Variants in RNF4 observed in about 807,000 individuals in gnomAD.
The protein encoded by RNF4 is E3 ubiquitin-protein ligase RNF4.
In RNF4, 7 loss-of-function variants were observed where a neutral mutation model predicts 24.3. The ratio of observed to expected loss-of-function variants is 0.29; its 90% confidence interval spans 0.16 to 0.54. RNF4 has a LOEUF of 0.54. Among genes scored for constraint, RNF4 ranks in the 20% least tolerant of loss-of-function variants. The pLI is 0.95. For synonymous variants in RNF4, 83 were observed against 84.3 expected, an observed-to-expected ratio of 0.98 and a Z score of 0.09; for missense variants, 209 against 248.5, an observed-to-expected ratio of 0.84 and a Z score of 1.07.
intron 1 of RNF4, among the ~76,000 whole-genome samples, chr4:2,472,988 C>T (rs917230148): frequency 7.9e-5 from 12 of 151,460 alleles, no homozygotes; most frequent in South Asian, 4.2e-4. Context: ...TGCAGTGAGC[C>T]AAGATAGCAC....
intron 2 of RNF4, among the ~76,000 whole-genome samples, chr4:2,491,512 G>C (rs936867755): frequency 1.6e-4 from 25 of 152,064 alleles, no homozygotes; most frequent in Non-Finnish European, 3.4e-4. Context: ...GTACCATCTC[G>C]GCTTGCTGCA....
intron 2 of RNF4, among the ~76,000 whole-genome samples, chr4:2,492,975 A>T (rs3121161): frequency 0.88 from 134,652 of 152,244 alleles, 59,666 homozygotes; most frequent in South Asian, 0.94. Context: ...TGGTTGTGAT[A>T]GGATGGTCAG....
At chr4:2,490,250 C>T (rs1410182533) in intron 1 of RNF4, 87 bp from the exon 2 acceptor site, 1 of 489,314 alleles carries the variant, frequency 2.0e-6, no homozygotes, top group African/African-American at 1.9e-5. Context: ...AACCTAGGGA[C>T]AGGAAGGACC....
chr4:2,512,477 A>G lies in RNF4; in HGVS notation c.254A>G (p.Gln85Arg). The change falls in exon 6 of 8, where the codon CAG becomes CGG. Residue 85 changes from glutamine (Q) to arginine (R), a missense_variant. By Grantham distance (43) the Gln-to-Arg change is conservative. Around this residue, in one of 3 missense-constraint regions of RNF4, gnomAD observed 182 missense variants for 197.2 expected, o/e 0.92. Coordinates refer to ENST00000314289, the MANE Select transcript of RNF4 (RefSeq NM_002938.5). This position sits in a 1 kb window ranked among gnomAD's most constrained non-coding sequence, Gnocchi z 4.1. ...AGGAGGAATGCTAGGAGGCTGCCCC[A>G]GGACCATGCTGACAGCTGTGTGGTG... ...RPRRNARRLP[Q>R]DHADSCVVSS... The G allele has an allele frequency of 6.2e-7, 1 of 1,613,642 alleles. No homozygotes were observed. The highest frequency in any genetic ancestry group is 8.5e-7 in the Non-Finnish European group (1 of 1,179,746).
chr4:2,498,730 C>A (rs1044926204), intron 3 of RNF4, among the ~76,000 whole-genome samples: 1 of 152,050 alleles, frequency 6.6e-6, no homozygotes, highest in Non-Finnish European at 1.5e-5. Context: ...ACCAGACCAG[C>A]CTGGACAACA....
intron 3 of RNF4, among the ~76,000 whole-genome samples, chr4:2,497,674 G>A (rs1454634214): frequency 9.2e-5 from 14 of 152,156 alleles, no homozygotes; most frequent in African/African-American, 1.9e-4. Context: ...TTGCTCTGTC[G>A]CCCAAGCTAG....
Position 2,512,740 on chromosome 4 carries a change from T to G in RNF4, c.374+143T>G. On this transcript the variant is annotated intron_variant, in intron 6 of 7. Transcript: ENST00000314289. This position sits in a 1 kb window ranked among gnomAD's most constrained non-coding sequence, Gnocchi z 4.1. Reference sequence around the variant, plus strand: ...CCCAGCATCTGGATACAGTTGGAACTGGGTCCAGAACTGAGTCCAGCTATT... The same window carrying G: ...CCCAGCATCTGGATACAGTTGGAACGGGGTCCAGAACTGAGTCCAGCTATT... The G allele has an allele frequency of 2.0e-6, 2 of 979,996 alleles. No homozygotes were observed. Among genetic ancestry groups the G allele is most frequent in the Non-Finnish European group, 3.0e-6 (2 of 675,934 alleles). The allele number at this position is 979,996 out of a possible 1,614,324, so 60.7% of individuals were successfully genotyped here. A position where few individuals can be genotyped will look rare whatever the true frequency, so the allele number is the denominator to read the frequency against.
chr4:2,499,711 A>G (rs960436912), intron 3 of RNF4, among the ~76,000 whole-genome samples: 1 of 152,172 alleles, frequency 6.6e-6, no homozygotes, highest in Non-Finnish European at 1.5e-5. Flanking sequence ...TCCTGTGCAC[A>G]TGTAGACATC....
intron 2 of RNF4, among the ~76,000 whole-genome samples, chr4:2,496,797 C>G (rs1208659476): frequency 6.6e-6 from 1 of 152,152 alleles, no homozygotes; most frequent in Non-Finnish European, 1.5e-5. Flanking sequence ...GTTTTACTTT[C>G]TGGAATTTCT....
intron 1 of RNF4, among the ~76,000 whole-genome samples, chr4:2,472,513 A>G (rs1734936703): frequency 6.6e-6 from 1 of 150,864 alleles, no homozygotes; most frequent in Non-Finnish European, 1.5e-5. Context: ...GCACTTCGGG[A>G]GGCCAAAGCT....
At chr4:2,511,783 G>A (rs1361635638) in intron 4 of RNF4, among the ~76,000 whole-genome samples, 173 bp from the exon 5 acceptor site, 1 of 152,204 alleles carries the variant, frequency 6.6e-6, no homozygotes, top group Non-Finnish European at 1.5e-5. Context: ...GGGCTTGACT[G>A]ACTGGGAGAG....
intron 1 of RNF4, among the ~76,000 whole-genome samples, chr4:2,476,934 AC>A (rs1351314927): frequency 3.3e-5 from 5 of 151,028 alleles, no homozygotes; most frequent in Non-Finnish European, 7.4e-5. Flanking sequence ...GGTGGGCAGC[AC>A]CACGTCTAGC....
intron 3 of RNF4, chr4:2,497,401 T>G: frequency 4.2e-6 from 1 of 236,438 alleles, no homozygotes; most frequent in Non-Finnish European, 8.3e-6. Flanking sequence ...GCATCCCCAA[T>G]TGCTGGACCT....
At chr4:2,483,042 C>T (rs759736953) in intron 1 of RNF4, among the ~76,000 whole-genome samples, 1 of 152,196 alleles carries the variant, frequency 6.6e-6, no homozygotes, top group Non-Finnish European at 1.5e-5. Context: ...AGCACTCATA[C>T]CTGTAAGAAG....
chr4:2,473,382 A>C (rs4974700), intron 1 of RNF4, among the ~76,000 whole-genome samples: 46,256 of 139,392 alleles, frequency 0.33, 8,456 homozygotes, highest in Admixed American at 0.51. Flanking sequence ...ATTCCGTCTT[A>C]AAAAAAAAAA....
At chr4:2,479,459 G>A (rs2071399629) in intron 1 of RNF4, among the ~76,000 whole-genome samples, 1 of 152,164 alleles carries the variant, frequency 6.6e-6, no homozygotes, top group African/African-American at 2.4e-5. Flanking sequence ...GGACCCGGTG[G>A]GAGGTAATTG....
At chr4:2,507,537 G>C (rs1736138692) in intron 4 of RNF4, among the ~76,000 whole-genome samples, 1 of 152,192 alleles carries the variant, frequency 6.6e-6, no homozygotes, top group South Asian at 2.1e-4. Context: ...GTGGAGCAAT[G>C]TGCAGTGCTG....
intron 2 of RNF4, among the ~76,000 whole-genome samples, chr4:2,495,969 T>C (rs1037386955): frequency 1.3e-5 from 2 of 152,234 alleles, no homozygotes; most frequent in Non-Finnish European, 2.9e-5. Flanking sequence ...TATTCTCAGC[T>C]TGTCTTTTGG....
At chr4:2,499,334 C>T (rs1223972827) in intron 3 of RNF4, 3 of 448,012 alleles carry the variant, frequency 6.7e-6, no homozygotes, top group African/African-American at 2.0e-5. Context: ...TCTTGTTGCC[C>T]AGGCTGGGGT....
Sources: allele counts gnomAD v4.1 joint callset (sites outside exome capture counted in the v4.1 genomes callset), GRCh38; gene constraint gnomAD v4.1.1; regional missense constraint gnomAD v4.1.1; non-coding constraint Gnocchi (gnomAD v3.1); transcripts MANE v1.5; gene names NCBI Gene and HGNC (gene_info 2026-07-23, HGNC 2026-07-21).